The following ATP8A2 variants were observed in gnomAD, a reference collection of about 807,000 sequenced individuals.
ATP8A2 encodes the protein phospholipid-transporting ATPase IB.
Under a neutral mutation model 165.6 loss-of-function variants are expected in ATP8A2, and 100 were observed. The observed-to-expected ratio is 0.60, with a 90% CI of 0.51 to 0.71. The LOEUF (loss-of-function observed/expected upper bound fraction) is 0.71. Among genes scored for constraint, ATP8A2 ranks in the 30% least tolerant of loss-of-function variants. ATP8A2 has a pLI of 0.00. For missense variants in ATP8A2, 1,227 were observed against 1,479.5 expected (o/e 0.83, Z 2.80); for synonymous variants, 543 against 548.8 (o/e 0.99, Z 0.15).
chr13:25,462,017 C>T (rs545457935), intron 1 of ATP8A2, among the ~76,000 whole-genome samples: 2 of 152,306 alleles, frequency 1.3e-5, no homozygotes, highest in East Asian at 1.9e-4. Context: ...AACCAAGGCT[C>T]AGATGGTAGC....
intron 1 of ATP8A2, among the ~76,000 whole-genome samples, chr13:25,423,754 G>A (rs2034364875): frequency 1.3e-5 from 2 of 152,178 alleles, no homozygotes; most frequent in South Asian, 2.1e-4. Flanking sequence ...GAGATCAGAT[G>A]TTTGGCATAG....
At chr13:25,412,652 G>T (rs1399158773) in intron 1 of ATP8A2, among the ~76,000 whole-genome samples, 1 of 152,140 alleles carries the variant, frequency 6.6e-6, no homozygotes, top group African/African-American at 2.4e-5. Context: ...CTTAGGCCTC[G>T]TGCATCTAGT....
At chr13:25,751,223 T>A (rs962350190) in intron 25 of ATP8A2, among the ~76,000 whole-genome samples, 2 of 152,196 alleles carry the variant, frequency 1.3e-5, no homozygotes, top group African/African-American at 2.4e-5. Flanking sequence ...CAGACTGTAA[T>A]AAGCAGCTCT....
At chr13:25,639,864 C>A in intron 24 of ATP8A2, among the ~76,000 whole-genome samples, 1 of 152,160 alleles carries the variant, frequency 6.6e-6, no homozygotes, top group Admixed American at 6.5e-5. Context: ...TAAAGCACTC[C>A]TCAGCAAATG....
intron 15 of ATP8A2, among the ~76,000 whole-genome samples, chr13:25,563,296 C>T (rs2039215159): frequency 6.6e-6 from 1 of 152,052 alleles, no homozygotes; most frequent in Non-Finnish European, 1.5e-5. Context: ...GTAATCCCAG[C>T]TACTTGGGAG....
chr13:25,737,354 T>C lies in ATP8A2; in HGVS notation c.2385-31692T>C, dbSNP rs569354054. Among the ~76,000 whole-genome samples the C allele has an allele frequency of 2.0e-5, 3 of 152,316 alleles. No individual in the cohort carries two copies. The East Asian group carries it at 5.8e-4, about 29-fold the overall frequency. ...GGACCCCAGTTAATTCTCTTGGTGA[T>C]TCTGTAAAATTTCAAGTTAAGCAAA... is the stretch of plus-strand genomic sequence containing the variant. On this transcript the variant is annotated intron_variant, in intron 25 of 36. Coordinates refer to ENST00000381655, the MANE Select transcript of ATP8A2 (RefSeq NM_016529.6).
chr13:25,450,334 A>G (rs1417577102), intron 1 of ATP8A2, among the ~76,000 whole-genome samples: 2 of 150,584 alleles, frequency 1.3e-5, no homozygotes, highest in Admixed American at 6.7e-5. Flanking sequence ...TTGGGTATAT[A>G]CCCAGTAATG....
chr13:25,673,260 C>T (rs76656234), intron 24 of ATP8A2, among the ~76,000 whole-genome samples: 4,278 of 152,140 alleles, frequency 0.028, 189 homozygotes, highest in African/African-American at 0.096. Context: ...ACTATAACAG[C>T]GAATACTGAT....
intron 33 of ATP8A2, among the ~76,000 whole-genome samples, chr13:25,890,126 CCCTCCAGCCTGG>C (rs1953312560): frequency 6.6e-6 from 1 of 152,108 alleles, no homozygotes; most frequent in Non-Finnish European, 1.5e-5. Flanking sequence ...CGCTCCACTG[CCCTCCAGCCTGG>C]GTGACGGCGC....
intron 1 of ATP8A2, among the ~76,000 whole-genome samples, chr13:25,467,269 G>T (rs184933086): frequency 2.4e-4 from 36 of 152,334 alleles, no homozygotes; most frequent in African/African-American, 8.4e-4. Context: ...CCAGGGACCT[G>T]GCTTGAGCCC....
At chr13:25,857,527 C>T (rs544834334) in intron 30 of ATP8A2, among the ~76,000 whole-genome samples, 21 of 151,934 alleles carry the variant, frequency 1.4e-4, no homozygotes, top group Non-Finnish European at 3.1e-4. Context: ...AGGCGAGCAC[C>T]ACCACACTTG....
intron 2 of ATP8A2, among the ~76,000 whole-genome samples, chr13:25,474,434 C>T (rs574686481): frequency 1.6e-4 from 24 of 151,844 alleles, no homozygotes; most frequent in African/African-American, 4.3e-4. Context: ...TGGTGGTGGG[C>T]GCCTGTAGTC....
chr13:25,538,436 C>T (rs1487361237), intron 7 of ATP8A2, among the ~76,000 whole-genome samples: 1 of 152,192 alleles, frequency 6.6e-6, no homozygotes, highest in African/African-American at 2.4e-5. Context: ...GTCTGTCCTG[C>T]AGAACCCAGT....
intron 24 of ATP8A2, among the ~76,000 whole-genome samples, chr13:25,678,478 G>T (rs1467417679): frequency 1.3e-5 from 2 of 152,154 alleles, no homozygotes; most frequent in Non-Finnish European, 2.9e-5. Context: ...TGCCACTGGG[G>T]CAGCTCTAGC....
rs1250686762 is a variant in ATP8A2 at position 25,867,871 on chromosome 13, AG to A, written c.3183+5464del. On this transcript the variant is annotated intron_variant, in intron 33 of 36. Coordinates refer to ENST00000381655, the MANE Select transcript of ATP8A2 (RefSeq NM_016529.6). ...CCTCAGAATCCTACTATAGCCTGAAAGATAGACTAGGAAGACAAAAAGACAA... is the reference window on the plus strand; with the variant it reads ...CCTCAGAATCCTACTATAGCCTGAAAATAGACTAGGAAGACAAAAAGACAA... 1.4e-5 allele frequency: 3 copies of A among 220,426 alleles called. No homozygotes were observed. The East Asian group carries it at 3.9e-4, about 28-fold the overall frequency. 13.7% of individuals were successfully genotyped at this position (220,426 alleles called of 1,614,324 possible).
intron 1 of ATP8A2, among the ~76,000 whole-genome samples, chr13:25,383,045 A>G (rs112244390): frequency 0.018 from 2,509 of 137,704 alleles, 42 homozygotes; most frequent in African/African-American, 0.047. Flanking sequence ...GTGAGCCACC[A>G]CACCCAGCCT....
chr13:25,467,535 G>T (rs1490996192), intron 1 of ATP8A2, among the ~76,000 whole-genome samples: 1 of 151,086 alleles, frequency 6.6e-6, no homozygotes, highest in Non-Finnish European at 1.5e-5. Flanking sequence ...GGAAGTGAAG[G>T]TTTACTTGCG....
At chr13:25,914,036 A>G (rs887633070) in intron 33 of ATP8A2, among the ~76,000 whole-genome samples, 2 of 152,202 alleles carry the variant, frequency 1.3e-5, no homozygotes, top group Admixed American at 6.5e-5. Flanking sequence ...TCTCGTCATC[A>G]TCTCACTTGA....
chr13:25,738,343 C>CCT (rs923484869), intron 25 of ATP8A2, among the ~76,000 whole-genome samples: 6 of 102,296 alleles, frequency 5.9e-5, no homozygotes, highest in African/African-American at 3.4e-4. Context: ...GCCCCCCTCC[C>CCT]CCCCCCCCAC....
Sources: gnomAD v4.1 joint callset for allele counts (sites outside exome capture counted in the v4.1 genomes callset) on GRCh38, gnomAD v4.1.1 for gene constraint, MANE v1.5 for transcripts, NCBI Gene and HGNC (gene_info 2026-07-23, HGNC 2026-07-21) for gene names.